Variants in RBMS3 observed in about 807,000 individuals in gnomAD.
RBMS3 encodes the protein RNA-binding motif, single-stranded-interacting protein 3.
Under a neutral mutation model 66.8 loss-of-function variants are expected in RBMS3, and 27 were observed. The ratio of observed to expected loss-of-function variants is 0.40; its 90% CI spans 0.30 to 0.56. The LOEUF (loss-of-function observed/expected upper bound fraction) is 0.56. RBMS3 is among the 20% of genes least tolerant of loss of function. The pLI is 0.40. For synonymous variants in RBMS3, 188 were observed against 183.0 expected (o/e 1.03, Z -0.22); for missense variants, 513 against 549.5 (o/e 0.93, Z 0.66).
chr3:29,424,847 C>T (rs1263604581), intron 1 of RBMS3, among the ~76,000 whole-genome samples: 1 of 152,062 alleles, frequency 6.6e-6, no homozygotes, highest in African/African-American at 2.4e-5. Context: ...ATGGAAAATG[C>T]CTCATTATTA....
At position 29,434,740 on chromosome 3, in the gene RBMS3, C is replaced by T. The variant is rs775517013; in HGVS notation, c.76-3C>T. The T allele has an allele frequency of 2.5e-6, 4 of 1,610,058 alleles. No individual in the cohort carries two copies. The stretch of plus-strand genomic sequence containing the variant: ...TTCCAGTAACAGCTTTTTCTGTTTC[C>T]AGCAGTCCTATGCACCAGCTCCCCA... On this transcript the variant is annotated splice_region_variant and splice_polypyrimidine_tract_variant and intron_variant, in intron 1 of 14. Coordinates refer to ENST00000383767, the MANE Select transcript of RBMS3 (RefSeq NM_001003793.3).
chr3:29,289,684 A>G (rs2032661074), intron 1 of RBMS3, among the ~76,000 whole-genome samples: 1 of 151,898 alleles, frequency 6.6e-6, no homozygotes, highest in Non-Finnish European at 1.5e-5. Flanking sequence ...CTTATTAGTC[A>G]AGGGAACCCT....
intron 14 of RBMS3, among the ~76,000 whole-genome samples, chr3:29,994,822 A>G (rs1699110783): frequency 6.6e-6 from 1 of 152,234 alleles, no homozygotes; most frequent in Non-Finnish European, 1.5e-5. Flanking sequence ...AAAGATGGGG[A>G]AAAAACAGAA....
chr3:29,425,200 AAC>A (rs1553601560), intron 1 of RBMS3, among the ~76,000 whole-genome samples: 11 of 125,858 alleles, frequency 8.7e-5, no homozygotes, highest in Admixed American at 8.9e-5. Context: ...AAAAAAAAAA[AAC>A]CCCCCAAAAA....
At chr3:29,655,394 C>A (rs998511530) in intron 4 of RBMS3, among the ~76,000 whole-genome samples, 1 of 152,104 alleles carries the variant, frequency 6.6e-6, no homozygotes, top group Non-Finnish European at 1.5e-5. Context: ...GATTTGTTTG[C>A]GTGATACTTT....
intron 11 of RBMS3, among the ~76,000 whole-genome samples, chr3:29,938,165 G>A (rs1019897551): frequency 1.3e-5 from 2 of 151,732 alleles, no homozygotes; most frequent in African/African-American, 4.8e-5. Flanking sequence ...TAAGCTAAAA[G>A]ACACAGAACA....
At chr3:29,485,172 A>G (rs754046576) in intron 2 of RBMS3, among the ~76,000 whole-genome samples, 14 of 152,216 alleles carry the variant, frequency 9.2e-5, no homozygotes, top group East Asian at 1.9e-4. Context: ...CAACAAATAT[A>G]GTTTGACTCA....
intron 4 of RBMS3, among the ~76,000 whole-genome samples, chr3:29,639,580 G>A (rs1264497685): frequency 7.4e-6 from 1 of 134,538 alleles, no homozygotes; most frequent in Non-Finnish European, 1.6e-5. Context: ...ATAGATGATA[G>A]ATAGAAGATA....
intron 6 of RBMS3, among the ~76,000 whole-genome samples, chr3:29,776,312 T>G (rs1016926807): frequency 5.9e-5 from 9 of 152,006 alleles, no homozygotes; most frequent in African/African-American, 1.7e-4. Flanking sequence ...TGACTTATGC[T>G]GCTGTCTCTT....
At chr3:29,986,785 A>G (rs1462217801) in intron 12 of RBMS3, among the ~76,000 whole-genome samples, 2 of 152,178 alleles carry the variant, frequency 1.3e-5, no homozygotes, top group Non-Finnish European at 2.9e-5. Context: ...TCTACTAAAA[A>G]TACAAAAATT....
chr3:29,896,063 T>G (rs1430435501), intron 8 of RBMS3, among the ~76,000 whole-genome samples: 1 of 151,526 alleles, frequency 6.6e-6, no homozygotes, highest in Non-Finnish European at 1.5e-5. Flanking sequence ...CCACACTATT[T>G]TTTTTTACCC....
chr3:29,555,999 T>C lies in RBMS3; in HGVS notation c.308-31115T>C, dbSNP rs77143747. On this transcript the variant is annotated intron_variant, in intron 3 of 14. Transcript: ENST00000383767. ...AGCTCAAACCAGATTACATTTGAAATATATCATTTGGGAAAACATGTTTTA... is the reference window on the plus strand; with the variant it reads ...AGCTCAAACCAGATTACATTTGAAACATATCATTTGGGAAAACATGTTTTA... Among the ~76,000 whole-genome samples the C allele has an allele frequency of 6.2e-3, 947 of 152,324 alleles. 28 individuals carry two copies. The highest frequency in any genetic ancestry group is 0.055 in the Admixed American group (835 of 15,294).
intron 3 of RBMS3, among the ~76,000 whole-genome samples, chr3:29,497,973 ATTTTTTTTTTTTTTTTTT>A (rs779555263): frequency 0.015 from 672 of 43,424 alleles, 10 homozygotes; most frequent in Non-Finnish European, 0.021. Context: ...AAAAGTATTC[ATTTTTTTTTTTTTTTTTT>A]TTTTTTTTTT....
chr3:29,337,168 T>G (rs918250757), intron 1 of RBMS3, among the ~76,000 whole-genome samples: 3 of 152,162 alleles, frequency 2.0e-5, no homozygotes, highest in Non-Finnish European at 4.4e-5. Flanking sequence ...TGGAAATATT[T>G]GTAAACTAAT....
At chr3:29,729,677 A>G (rs531919016) in intron 4 of RBMS3, among the ~76,000 whole-genome samples, 83 of 152,236 alleles carry the variant, frequency 5.5e-4, no homozygotes, top group African/African-American at 1.9e-3. Flanking sequence ...AATGATCACC[A>G]TTCTAACTGG....
chr3:29,977,532 T>C (rs1164400222), intron 12 of RBMS3, among the ~76,000 whole-genome samples: 1 of 152,042 alleles, frequency 6.6e-6, no homozygotes, highest in Non-Finnish European at 1.5e-5. Context: ...AATTTTTTTT[T>C]GTTTCTTCAC....
rs373365962 is a variant in RBMS3 at position 29,817,192 on chromosome 3, C to CTTTTTTT, written c.638-51659_638-51653dup. Among the ~76,000 whole-genome samples the CTTTTTTT allele has an allele frequency of 6.4e-3, 819 of 127,156 alleles. 52 individuals carry two copies. Among genetic ancestry groups the CTTTTTTT allele is most frequent in the African/African-American group, 0.024 (773 of 31,624 alleles). The allele number at this position is 127,156 out of a possible 152,430, so 83.4% of individuals were successfully genotyped here. On this transcript the variant is annotated intron_variant, in intron 6 of 14. Coordinates refer to ENST00000383767, the MANE Select transcript of RBMS3 (RefSeq NM_001003793.3). ...GGGTTGCATTTCCAAATTTTCTTTTCTTTTTTTTTTTTTGAGGCAAAGTCT... is the reference window on the plus strand; with the variant it reads ...GGGTTGCATTTCCAAATTTTCTTTTCTTTTTTTTTTTTTTTTTTTTGAGGCAAAGTCT...
intron 6 of RBMS3, among the ~76,000 whole-genome samples, chr3:29,796,492 A>G (rs1214319943): frequency 6.6e-6 from 1 of 152,168 alleles, no homozygotes; most frequent in Non-Finnish European, 1.5e-5. Context: ...ATTTTCCAAG[A>G]TCTATCAGAG....
chr3:29,373,130 T>A (rs1032544576), intron 1 of RBMS3, among the ~76,000 whole-genome samples: 6 of 152,138 alleles, frequency 3.9e-5, no homozygotes, highest in African/African-American at 2.4e-5. Context: ...ATATTACAGT[T>A]ACTGTCTGGA....
Sources: allele counts gnomAD v4.1 joint callset (sites outside exome capture counted in the v4.1 genomes callset), GRCh38; gene constraint gnomAD v4.1.1; transcripts MANE v1.5; gene names NCBI Gene and HGNC (gene_info 2026-07-23, HGNC 2026-07-21).